PDE3B: variants seen among roughly 807,000 people sequenced by gnomAD.
PDE3B encodes the protein phosphodiesterase 3B, also known as cGMP-inhibited 3',5'-cyclic phosphodiesterase 3B.
PDE3B carries 66 observed loss-of-function variants against 116.8 expected under a neutral mutation model. That is an observed-to-expected ratio of 0.56 (90% CI 0.46 to 0.69). The LOEUF is 0.69. PDE3B is among the 30% of genes least tolerant of loss of function. The pLI is 0.00. For missense variants in PDE3B, 1,384 were observed against 1,368.1 expected (o/e 1.01, Z -0.18); for synonymous variants, 595 against 533.6 (o/e 1.12, Z -1.59).
intron 1 of PDE3B, among the ~76,000 whole-genome samples, chr11:14,766,177 A>G (rs1172090189): frequency 1.3e-5 from 2 of 151,792 alleles, no homozygotes; most frequent in African/African-American, 2.4e-5. Context: ...TATTAAAGGT[A>G]TCTCTGTTTA....
At chr11:14,778,106 C>G (rs372618332) in intron 2 of PDE3B, among the ~76,000 whole-genome samples, 1 of 152,164 alleles carries the variant, frequency 6.6e-6, no homozygotes, top group Non-Finnish European at 1.5e-5. Flanking sequence ...AAAGCAGCAG[C>G]GAGGCTGGGG....
intron 1 of PDE3B, among the ~76,000 whole-genome samples, chr11:14,725,593 C>T: frequency 8.5e-6 from 1 of 117,014 alleles, no homozygotes; most frequent in Non-Finnish European, 1.8e-5. Context: ...CTCCCCCTTC[C>T]CTCCCCTCCC....
Position 14,830,481 on chromosome 11 carries a change from G to A in PDE3B, c.1808-217G>A, listed in dbSNP as rs145069127. ...TAGCATCCATGAGTAGATATGAAAG[G>A]TGAGTCCAATACAGGAAGTGTCTTT... On this transcript the variant is annotated intron_variant, in intron 7 of 15. Coordinates refer to ENST00000282096, the MANE Select transcript of PDE3B (RefSeq NM_000922.4). Among the ~76,000 whole-genome samples the A allele has an allele frequency of 7.1e-3, 1,083 of 152,094 alleles. 7 individuals are homozygous for A. The highest frequency in any genetic ancestry group is 0.025 in the African/African-American group (1,027 of 41,530).
intron 1 of PDE3B, among the ~76,000 whole-genome samples, chr11:14,662,313 A>G (rs959050697): frequency 6.6e-6 from 1 of 152,320 alleles, no homozygotes; most frequent in African/African-American, 2.4e-5. Context: ...TCTGTACATC[A>G]CCATCATCAA....
chr11:14,792,794 G>A (rs1164774992), intron 4 of PDE3B, among the ~76,000 whole-genome samples: 2 of 152,152 alleles, frequency 1.3e-5, no homozygotes, highest in Non-Finnish European at 2.9e-5. Flanking sequence ...AACTGGAATA[G>A]ATCTCAACTT....
chr11:14,760,176 T>TA (rs1857316594), intron 1 of PDE3B, among the ~76,000 whole-genome samples: 1 of 152,164 alleles, frequency 6.6e-6, no homozygotes, highest in East Asian at 1.9e-4. Context: ...CACAGTTTAT[T>TA]TAAAAGTGAG....
chr11:14,674,391 C>G lies in PDE3B; in HGVS notation c.978+29338C>G, dbSNP rs371977390. The G allele has an allele frequency of 3.3e-5, 23 of 690,030 alleles. No homozygotes were observed. The East Asian group carries it at 7.0e-4, about 21-fold the overall frequency. 42.7% of individuals were successfully genotyped at this position (690,030 alleles called of 1,614,324 possible). A position where few individuals can be genotyped will look rare whatever the true frequency, so the allele number is the denominator to read the frequency against. ...TGAGTACTCTGCTCTCTGGAACCCA[C>G]TCATCCCAATTTTTATTCCAACCAC... is the stretch of plus-strand genomic sequence containing the variant. On this transcript the variant is annotated intron_variant, in intron 1 of 15. Transcript: ENST00000282096.
At chr11:14,649,694 T>G (rs531675387) in intron 1 of PDE3B, among the ~76,000 whole-genome samples, 7 of 152,354 alleles carry the variant, frequency 4.6e-5, no homozygotes, top group African/African-American at 1.7e-4. Context: ...GACAAACTTC[T>G]GATACAGTTA....
chr11:14,848,268 G>T (rs1341055394), intron 12 of PDE3B, among the ~76,000 whole-genome samples: 62 of 138,872 alleles, frequency 4.5e-4, no homozygotes, highest in African/African-American at 1.3e-3. Context: ...TGCAGAAAAG[G>T]CCTTTGACAA....
chr11:14,660,289 A>C (rs565582966), intron 1 of PDE3B, among the ~76,000 whole-genome samples: 1 of 150,742 alleles, frequency 6.6e-6, no homozygotes, highest in Admixed American at 6.6e-5. Context: ...TCCTTATATT[A>C]TTGCTTCTAA....
chr11:14,735,001 T>C (rs957410395), intron 1 of PDE3B, among the ~76,000 whole-genome samples: 1 of 152,250 alleles, frequency 6.6e-6, no homozygotes, highest in African/African-American at 2.4e-5. Context: ...CATGCGGTTA[T>C]GTCTCTTTCA....
intron 1 of PDE3B, among the ~76,000 whole-genome samples, chr11:14,735,888 A>T (rs750345864): frequency 5.9e-5 from 9 of 152,124 alleles, no homozygotes; most frequent in Non-Finnish European, 1.0e-4. Flanking sequence ...GGATAATGAC[A>T]GTGAGGAAGA....
chr11:14,754,868 C>G (rs1484731834), intron 1 of PDE3B, among the ~76,000 whole-genome samples: 3 of 152,078 alleles, frequency 2.0e-5, no homozygotes, highest in Non-Finnish European at 4.4e-5. Context: ...TGGCTTTGCT[C>G]CCCTTCTTCT....
intron 1 of PDE3B, among the ~76,000 whole-genome samples, chr11:14,661,664 C>T (rs1590040036): frequency 6.6e-6 from 1 of 152,236 alleles, no homozygotes; most frequent in Non-Finnish European, 1.5e-5. Context: ...TATCCCGCAC[C>T]TGGCTCGGAG....
At chr11:14,844,285 C>A (rs980912714) in intron 12 of PDE3B, among the ~76,000 whole-genome samples, 1 of 152,202 alleles carries the variant, frequency 6.6e-6, no homozygotes, top group Non-Finnish European at 1.5e-5. Context: ...AGAGTCCTTG[C>A]TGTCAATATT....
the PDE3B span, chr11:14,877,597 T>G: frequency 6.6e-6 from 1 of 152,536 alleles, no homozygotes; most frequent in African/African-American, 2.4e-5. Flanking sequence ...TGGCAGGCTC[T>G]ACATTAAATA....
chr11:14,740,348 G>A (rs1012065752), intron 1 of PDE3B, among the ~76,000 whole-genome samples: 1 of 152,086 alleles, frequency 6.6e-6, no homozygotes, highest in Non-Finnish European at 1.5e-5. Flanking sequence ...ATGTGTCCGG[G>A]AATTTATCCA....
At chr11:14,847,302 G>C (rs559819637) in intron 12 of PDE3B, among the ~76,000 whole-genome samples, 67 of 151,330 alleles carry the variant, frequency 4.4e-4, no homozygotes, top group African/African-American at 1.4e-3. Context: ...CGAGAACAAA[G>C]ACACAACATA....
intron 11 of PDE3B, among the ~76,000 whole-genome samples, chr11:14,839,471 C>A (rs1413307886): frequency 6.6e-6 from 1 of 152,154 alleles, no homozygotes; most frequent in Non-Finnish European, 1.5e-5. Context: ...ATAAGTAGAT[C>A]CTGGAAAATG....
Sources: allele counts gnomAD v4.1 joint callset (sites outside exome capture counted in the v4.1 genomes callset), GRCh38; gene constraint gnomAD v4.1.1; transcripts MANE v1.5; gene names NCBI Gene and HGNC (gene_info 2026-07-23, HGNC 2026-07-21).